Variants in STX17 observed in about 807,000 individuals in gnomAD.
STX17 encodes syntaxin 17.
A neutral mutation model predicts 35.9 loss-of-function variants in STX17; 29 were observed. The ratio of observed to expected loss-of-function variants is 0.81; its 90% CI spans 0.60 to 1.10. The LOEUF (loss-of-function observed/expected upper bound fraction) is 1.10, where lower values mean the gene tolerates loss of function less well. Ranked by LOEUF, STX17 falls within the 50% of genes least tolerant of loss-of-function variation. The pLI, the probability that STX17 is intolerant of heterozygous loss-of-function variation, is 0.00. For synonymous variants in STX17, 92 were observed against 118.3 expected (o/e 0.78, Z 1.44); for missense variants, 312 against 352.3 (o/e 0.89, Z 0.92).
At chr9:99,912,830 C>G (rs1236361421) in intron 1 of STX17, among the ~76,000 whole-genome samples, 1 of 152,122 alleles carries the variant, frequency 6.6e-6, no homozygotes, top group South Asian at 2.1e-4. Flanking sequence ...TTTATTCTAT[C>G]CGTTAACAGT....
intron 2 of STX17, among the ~76,000 whole-genome samples, chr9:99,927,199 T>C (rs1443525206): frequency 2.9e-4 from 44 of 152,224 alleles, no homozygotes; most frequent in Non-Finnish European, 1.8e-4. Flanking sequence ...CTACACATTC[T>C]CAACTCTGTT....
chr9:99,950,720 A>T (rs1829574745), intron 3 of STX17, among the ~76,000 whole-genome samples: 1 of 151,948 alleles, frequency 6.6e-6, no homozygotes, highest in Non-Finnish European at 1.5e-5. Context: ...AATGTGTGGG[A>T]GTATTGAGTT....
chr9:99,954,368 T>A (rs1422743650), intron 4 of STX17, among the ~76,000 whole-genome samples: 1 of 152,048 alleles, frequency 6.6e-6, no homozygotes, highest in East Asian at 1.9e-4. Flanking sequence ...AAAAAACTAC[T>A]GTCTCACCAA....
chr9:99,926,138 G>A (rs1828980957), intron 2 of STX17, among the ~76,000 whole-genome samples: 1 of 150,600 alleles, frequency 6.6e-6, no homozygotes, highest in African/African-American at 2.4e-5. Flanking sequence ...TTAATTTCAG[G>A]TACTCTTTTT....
chr9:99,961,413 A>G (rs1829823811), intron 6 of STX17, among the ~76,000 whole-genome samples: 1 of 152,228 alleles, frequency 6.6e-6, no homozygotes, highest in African/African-American at 2.4e-5. Context: ...GATGGAGCCA[A>G]AGATAAGGAA....
At chr9:99,923,530 G>A (rs565522553) in intron 2 of STX17, among the ~76,000 whole-genome samples, 31 of 152,254 alleles carry the variant, frequency 2.0e-4, no homozygotes, top group Middle Eastern at 3.4e-3. Flanking sequence ...GAAGACTTCT[G>A]TGACCAAATG....
chr9:99,937,000 GTT>G (rs1829250425), intron 3 of STX17, among the ~76,000 whole-genome samples: 1 of 152,026 alleles, frequency 6.6e-6, no homozygotes, highest in Admixed American at 6.6e-5. Flanking sequence ...TATCTGAAAA[GTT>G]TTTATTTCGC....
chr9:99,942,799 T>C (rs1001431480), intron 3 of STX17, among the ~76,000 whole-genome samples: 14 of 152,210 alleles, frequency 9.2e-5, no homozygotes, highest in African/African-American at 1.4e-4. Flanking sequence ...TCATTTTTTT[T>C]CCCATCATTG....
chr9:99,915,562 A>G (rs1424590920), intron 2 of STX17, among the ~76,000 whole-genome samples, 200 bp downstream of exon 2: 1 of 152,068 alleles, frequency 6.6e-6, no homozygotes, highest in Non-Finnish European at 1.5e-5. Flanking sequence ...TTTTCTGGGA[A>G]GGGATATAGG....
At chr9:99,913,706 T>C (rs973224443) in intron 1 of STX17, among the ~76,000 whole-genome samples, 1 of 152,176 alleles carries the variant, frequency 6.6e-6, no homozygotes, top group African/African-American at 2.4e-5. Flanking sequence ...ATGTCCCCAG[T>C]TTCCATTCAC....
At chr9:99,934,146 T>C (rs1000830208) in intron 3 of STX17, among the ~76,000 whole-genome samples, 6 of 152,146 alleles carry the variant, frequency 3.9e-5, no homozygotes, top group African/African-American at 7.2e-5. Flanking sequence ...ATTTTTCAGA[T>C]ACCAGAAAGC....
chr9:99,951,696 G>A (rs1292962317), intron 4 of STX17, among the ~76,000 whole-genome samples: 1 of 151,836 alleles, frequency 6.6e-6, no homozygotes, highest in East Asian at 1.9e-4. Context: ...CAAGTTCTCT[G>A]AATAACTGAC....
intron 3 of STX17, among the ~76,000 whole-genome samples, chr9:99,940,010 A>G (rs559816612): frequency 3.0e-4 from 45 of 152,316 alleles, no homozygotes; most frequent in African/African-American, 1.1e-3. Flanking sequence ...TTTACTTACA[A>G]GATTCTCTTT....
chr9:99,964,700 A>G (rs958785430), intron 6 of STX17, among the ~76,000 whole-genome samples: 2 of 152,116 alleles, frequency 1.3e-5, no homozygotes, highest in Admixed American at 1.3e-4. Flanking sequence ...GCTTGATTTC[A>G]CAGGCTGGGG....
chr9:99,936,281 A>G (rs905552570), intron 3 of STX17, among the ~76,000 whole-genome samples: 22 of 152,160 alleles, frequency 1.4e-4, no homozygotes, highest in African/African-American at 5.1e-4. Context: ...GGAAACTGCC[A>G]AGTTGTTTTC....
chr9:99,933,620 T>C (rs1362472392), intron 3 of STX17, among the ~76,000 whole-genome samples: 1 of 152,152 alleles, frequency 6.6e-6, no homozygotes, highest in Non-Finnish European at 1.5e-5. Flanking sequence ...TTGTGGTACA[T>C]TGTACTTTCT....
intron 3 of STX17, among the ~76,000 whole-genome samples, chr9:99,934,929 T>C (rs1829199570): frequency 6.6e-6 from 1 of 152,146 alleles, no homozygotes. Flanking sequence ...TTTTAATCTT[T>C]AGACAGAAGT....
In STX17 at chr9:99,972,870, G is replaced by A. The variant is rs911034688; in HGVS notation, c.*4197G>A. ...GGGAGGTTCTCCTCGGAAATGAGGT[G>A]GTTTTTTTTGTTATTAAGTAGAACG... On this transcript the variant is annotated 3_prime_UTR_variant, in exon 8 of 8. Coordinates refer to ENST00000259400, the MANE Select transcript of STX17 (RefSeq NM_017919.3). 6.6e-6 allele frequency among the ~76,000 whole-genome samples: 1 copy of A among 152,088 alleles called. No individual in the cohort carries two copies. The highest frequency in any genetic ancestry group is 1.5e-5 in the Non-Finnish European group (1 of 68,012).
intron 3 of STX17, among the ~76,000 whole-genome samples, chr9:99,936,121 A>G (rs1829227987): frequency 6.6e-6 from 1 of 152,228 alleles, no homozygotes; most frequent in Non-Finnish European, 1.5e-5. Flanking sequence ...ATTCTATTGT[A>G]TGGCTATACC....
Sources: allele counts gnomAD v4.1 joint callset (sites outside exome capture counted in the v4.1 genomes callset), GRCh38; gene constraint gnomAD v4.1.1; transcripts MANE v1.5; gene names NCBI Gene and HGNC (gene_info 2026-07-23, HGNC 2026-07-21).